The following COL12A1 variants were observed in gnomAD, a reference collection of about 807,000 sequenced individuals.
COL12A1 encodes collagen alpha-1(XII) chain.
Under a neutral mutation model 349.7 loss-of-function variants are expected in COL12A1, and 114 were observed. The observed-to-expected ratio is 0.33, with a 90% CI of 0.28 to 0.38. The LOEUF is 0.38. Among genes scored for constraint, COL12A1 ranks in the 10% least tolerant of loss-of-function variants. COL12A1 has a pLI of 1.00. For missense variants in COL12A1, 3,284 were observed against 3,756.9 expected, an observed-to-expected ratio of 0.87 and a Z score of 3.29; for synonymous variants, 1,369 against 1,329.0, an observed-to-expected ratio of 1.03 and a Z score of -0.66.
chr6:75,130,120 G>A lies in COL12A1; in HGVS notation c.6181C>T (p.Pro2061Ser). 6.2e-7 allele frequency: 1 copy of A among 1,613,960 alleles called. No homozygotes were observed. Among genetic ancestry groups the A allele is most frequent in the Non-Finnish European group, 8.5e-7 (1 of 1,179,956 alleles). The change falls in exon 37 of 66, where the codon CCC (proline) becomes TCC (serine). Residue 2061 changes from proline (P) to serine (S), a missense_variant. Around this residue, in one of 2 missense-constraint regions of COL12A1, gnomAD observed 2,601 missense variants for 2,824.8 expected, o/e 0.92. Transcript: ENST00000322507. ...PVQQYRIIYS[P>S]TVGDPIDEYT... ...TCATCAATTGGATCACCAACAGTGGGAGAATAGATGATCCTGTACTGCTGA... is the reference window on the plus strand; with the variant it reads ...TCATCAATTGGATCACCAACAGTGGAAGAATAGATGATCCTGTACTGCTGA...
At chr6:75,151,071 C>T in intron 21 of COL12A1, 70 bp downstream of exon 21, 2 of 610,858 alleles carry the variant, frequency 3.3e-6, no homozygotes, top group South Asian at 4.1e-5. Flanking sequence ...CTCCCCCCCA[C>T]CCAAAAGAAT....
rs369430689 is a variant in COL12A1, at chr6:75,165,930, C to T, written c.2711-151G>A. On this transcript the variant is annotated intron_variant, in intron 13 of 65. Transcript: ENST00000322507. ...ATTTCTTCTTTTTGAGTTGTCCATC[C>T]TATTCTGTCTGTGGAATAGATAGAT... is the stretch of plus-strand genomic sequence containing the variant. The T allele has an allele frequency of 2.1e-5, 15 of 709,904 alleles. No individual in the cohort carries two copies. In the African/African-American group the frequency reaches 2.5e-4, roughly 12 times the overall value. 44.0% of individuals were successfully genotyped at this position (709,904 alleles called of 1,614,324 possible).
intron 26 of COL12A1, among the ~76,000 whole-genome samples, chr6:75,142,684 G>A (rs1415917218): frequency 6.6e-6 from 1 of 152,200 alleles, no homozygotes. Context: ...CTGAGATTCT[G>A]ACATTAATAC....
At chr6:75,181,730 G>A (rs1429616550) in intron 10 of COL12A1, among the ~76,000 whole-genome samples, 2 of 151,966 alleles carry the variant, frequency 1.3e-5, no homozygotes, top group Non-Finnish European at 2.9e-5. Context: ...AACACATACA[G>A]TAAATCCTTA....
At chr6:75,149,150 A>T (rs1214938749) in intron 21 of COL12A1, among the ~76,000 whole-genome samples, 1 of 152,120 alleles carries the variant, frequency 6.6e-6, no homozygotes, top group Non-Finnish European at 1.5e-5. Context: ...GCATGAGAAC[A>T]GACTAAGACC....
At chr6:75,178,452 C>A (rs1769092815) in intron 11 of COL12A1, among the ~76,000 whole-genome samples, 2 of 152,176 alleles carry the variant, frequency 1.3e-5, no homozygotes, top group African/African-American at 4.8e-5. Flanking sequence ...AATAATTCAA[C>A]CATACACAGG....
chr6:75,200,346 G>A (rs1264200674), intron 2 of COL12A1, among the ~76,000 whole-genome samples: 1 of 152,180 alleles, frequency 6.6e-6, no homozygotes, highest in Non-Finnish European at 1.5e-5. Context: ...GCCGAGGCAG[G>A]TGAATCAATT....
In COL12A1 at chr6:75,089,794, G is replaced by T. The variant is rs185898117; in HGVS notation, c.8941+316C>A. Among the ~76,000 whole-genome samples, 24 of 152,270 alleles carry T rather than the reference G, an allele frequency of 1.6e-4. No homozygotes were observed. The East Asian group carries it at 4.4e-3, about 28-fold the overall frequency. Reference sequence around the variant, plus strand: ...GCCTAAGAACATTCAGTTGCTGCTCGACTCTTGCCGCAGTCACAGAGAGTA... The same window carrying T: ...GCCTAAGAACATTCAGTTGCTGCTCTACTCTTGCCGCAGTCACAGAGAGTA... On this transcript the variant is annotated intron_variant, in intron 63 of 65. Coordinates refer to ENST00000322507, the MANE Select transcript of COL12A1 (RefSeq NM_004370.6).
rs1185192840 is a variant in COL12A1 at position 75,148,166 on chromosome 6, C to G, written c.4287+192G>C. ...AGAAACCGTAAGAATTTAAGCAAAG[C>G]TCTTTCCCTTTAATTAAAGCCAGAC... On this transcript the variant is annotated intron_variant, in intron 22 of 65. Transcript: ENST00000322507. Among the ~76,000 whole-genome samples the G allele has an allele frequency of 3.3e-5, 5 of 152,040 alleles. No homozygotes were observed. The East Asian group carries it at 9.6e-4, about 29-fold the overall frequency.
chr6:75,107,157 G>A (rs1351167859), intron 52 of COL12A1, among the ~76,000 whole-genome samples: 1 of 151,960 alleles, frequency 6.6e-6, no homozygotes, highest in African/African-American at 2.4e-5. Flanking sequence ...CACCCAAAGT[G>A]CTAGGACTAC....
intron 31 of COL12A1, 63 bp downstream of exon 31, chr6:75,137,374 G>GA: frequency 6.9e-7 from 1 of 1,441,936 alleles, no homozygotes; most frequent in Non-Finnish European, 9.4e-7. Context: ...CACTGAGGGG[G>GA]AAAAAGAGTT....
chr6:75,182,190 AG>A (rs1769347473), intron 10 of COL12A1, among the ~76,000 whole-genome samples: 1 of 152,158 alleles, frequency 6.6e-6, no homozygotes, highest in Non-Finnish European at 1.5e-5. Flanking sequence ...CAGTTTAGGA[AG>A]GCTTAATGAA....
chr6:75,100,996 A>G (rs1294457365), intron 58 of COL12A1, among the ~76,000 whole-genome samples: 2 of 152,208 alleles, frequency 1.3e-5, no homozygotes, highest in Non-Finnish European at 2.9e-5. Context: ...CAGAACATAG[A>G]GGTCATGTTC....
intron 13 of COL12A1, among the ~76,000 whole-genome samples, chr6:75,174,383 C>T (rs1013003995): frequency 3.3e-5 from 5 of 151,874 alleles, no homozygotes; most frequent in Non-Finnish European, 5.9e-5. Flanking sequence ...GGTGAAACCC[C>T]GTCCCTACTA....
chr6:75,168,250 G>C (rs1768412044), intron 13 of COL12A1, among the ~76,000 whole-genome samples: 1 of 152,112 alleles, frequency 6.6e-6, no homozygotes, highest in Non-Finnish European at 1.5e-5. Flanking sequence ...TTTTAGGGAG[G>C]AGGGCTGAAT....
intron 2 of COL12A1, among the ~76,000 whole-genome samples, chr6:75,195,664 T>C: frequency 6.6e-6 from 1 of 152,148 alleles, no homozygotes. Flanking sequence ...TTCAAAAGTT[T>C]ATTAAACTAA....
At chr6:75,111,892 T>G (rs1195484819) in intron 51 of COL12A1, among the ~76,000 whole-genome samples, 1 of 151,724 alleles carries the variant, frequency 6.6e-6, no homozygotes, top group African/African-American at 2.4e-5. Context: ...TTACCATCCT[T>G]ATCAAAAATC....
At chr6:75,186,990 G>A (rs960145833) in intron 8 of COL12A1, among the ~76,000 whole-genome samples, 1 of 151,842 alleles carries the variant, frequency 6.6e-6, no homozygotes, top group African/African-American at 2.4e-5. Flanking sequence ...GTAGGAGGAG[G>A]GAGAGGATCA....
chr6:75,183,190 A>T lies in COL12A1; in HGVS notation c.1751T>A (p.Leu584Ter). 1 of 1,614,188 alleles carries T rather than the reference A, an allele frequency of 6.2e-7. No individual in the cohort carries two copies. The change falls in exon 10 of 66, where the codon TTG (leucine) becomes TAG (stop). Residue 584 changes from leucine (L) to a stop codon, truncating the protein, a stop_gained. Transcript: ENST00000322507. LOFTEE classifies it high-confidence loss of function. Reference protein sequence around the residue: ...VGVKDAVRSELEAIASPPAET... With the variant: ...VGVKDAVRSE Reference sequence around the variant, plus strand: ...TGCAGGAGGAGAGGCAATAGCTTCCAATTCTGAGCGAACGGCATCCTTCAC... The same window carrying T: ...TGCAGGAGGAGAGGCAATAGCTTCCTATTCTGAGCGAACGGCATCCTTCAC...
Sources: allele counts gnomAD v4.1 joint callset (sites outside exome capture counted in the v4.1 genomes callset), GRCh38; gene constraint gnomAD v4.1.1; regional missense constraint gnomAD v4.1.1; transcripts MANE v1.5; gene names NCBI Gene and HGNC (gene_info 2026-07-23, HGNC 2026-07-21).